Variants in RPTOR observed in about 807,000 individuals in gnomAD.
The protein encoded by RPTOR is regulatory associated protein of MTOR complex 1.
A neutral mutation model predicts 169.9 loss-of-function variants in RPTOR; 21 were observed. The observed-to-expected ratio is 0.12, with a 90% CI of 0.09 to 0.18. The LOEUF is 0.18. RPTOR is among the 10% of genes least tolerant of loss of function. RPTOR has a pLI of 1.00. For missense variants in RPTOR, 1,133 were observed against 1,855.9 expected (o/e 0.61, Z 7.16); for synonymous variants, 732 against 753.2 (o/e 0.97, Z 0.46).
intron 10 of RPTOR, among the ~76,000 whole-genome samples, chr17:80,839,986 C>T (rs936814195): frequency 1.3e-4 from 20 of 152,286 alleles, no homozygotes; most frequent in African/African-American, 4.6e-4. Flanking sequence ...GGATAACTGA[C>T]GTGGACCACA....
Position 80,646,278 on chromosome 17 carries a change from G to A in RPTOR, c.348+2468G>A, listed in dbSNP as rs1414159324. 6.6e-6 allele frequency among the ~76,000 whole-genome samples: 1 copy of A among 152,152 alleles called. No individual in the cohort carries two copies. The highest frequency in any genetic ancestry group is 2.4e-5 in the African/African-American group (1 of 41,426). ...ATTTCCTGCTACTATCCATGAGCGG[G>A]CCTCATCTATTTTAGAAATTAGCCT... On this transcript the variant is annotated intron_variant, in intron 3 of 33. Transcript: ENST00000306801. The surrounding 1 kb of genome is among the most constrained non-coding windows in gnomAD (Gnocchi z 5.0).
At chr17:80,616,794 C>G (rs963149273) in intron 1 of RPTOR, among the ~76,000 whole-genome samples, 1 of 152,192 alleles carries the variant, frequency 6.6e-6, no homozygotes, top group Non-Finnish European at 1.5e-5. Flanking sequence ...CTTTGCTATA[C>G]TTACTTTACG....
At chr17:80,818,485 G>A (rs1054281261) in intron 7 of RPTOR, among the ~76,000 whole-genome samples, 1 of 152,116 alleles carries the variant, frequency 6.6e-6, no homozygotes, top group Non-Finnish European at 1.5e-5. Context: ...GCATTGGTTA[G>A]GATCAGGTAC....
rs138868049 is a variant in RPTOR at position 80,858,188 on chromosome 17, A to T, written c.1509+288A>T. The T allele has an allele frequency of 1.1e-3, 489 of 426,948 alleles. 2 individuals carry two copies. Among genetic ancestry groups the T allele is most frequent in the Middle Eastern group, 3.8e-3 (6 of 1,586 alleles). 26.4% of individuals were successfully genotyped at this position (426,948 alleles called of 1,614,324 possible). On this transcript the variant is annotated intron_variant, in intron 13 of 33. Transcript: ENST00000306801. Reference sequence around the variant, plus strand: ...GGCCTTCCCCTGGTGCCCTGCACTCAGTCCCCCTGCCTGTGTCTGACCCCC... The same window carrying T: ...GGCCTTCCCCTGGTGCCCTGCACTCTGTCCCCCTGCCTGTGTCTGACCCCC...
intron 1 of RPTOR, among the ~76,000 whole-genome samples, chr17:80,580,073 A>G (rs938334786): frequency 6.6e-6 from 1 of 152,212 alleles, no homozygotes; most frequent in African/African-American, 2.4e-5. Flanking sequence ...ACGGTCAGGC[A>G]TGTTTCCTGA....
chr17:80,704,612 T>G (rs2066128644), intron 3 of RPTOR, among the ~76,000 whole-genome samples: 1 of 152,234 alleles, frequency 6.6e-6, no homozygotes, highest in Non-Finnish European at 1.5e-5. Flanking sequence ...TCAGGCAGGA[T>G]TCTATCAGTT....
chr17:80,775,332 A>G (rs1249396926), intron 6 of RPTOR, among the ~76,000 whole-genome samples: 3 of 152,052 alleles, frequency 2.0e-5, no homozygotes, highest in Non-Finnish European at 4.4e-5. Context: ...GATAGTCTCA[A>G]ACTCCTGGCC....
At chr17:80,693,401 G>C (rs1050966017) in intron 3 of RPTOR, among the ~76,000 whole-genome samples, 4 of 152,232 alleles carry the variant, frequency 2.6e-5, no homozygotes, top group Non-Finnish European at 4.4e-5. Context: ...TTCAGAAGTG[G>C]ATTTGGCCCC....
In RPTOR at chr17:80,964,789, T is replaced by C. The variant is rs1169237236; in HGVS notation, c.*459T>C. On this transcript the variant is annotated 3_prime_UTR_variant, in exon 34 of 34. Coordinates refer to ENST00000306801, the MANE Select transcript of RPTOR (RefSeq NM_020761.3). The stretch of plus-strand genomic sequence containing the variant: ...CAGGCCAAGAGCGAGCGAGAGGCGC[T>C]GCCCCAGCCAGGCCCACCACCTCTC... The C allele has an allele frequency of 8.3e-6, 2 of 240,906 alleles. No homozygotes were observed. The highest frequency in any genetic ancestry group is 1.6e-5 in the Non-Finnish European group (2 of 122,688). The allele number at this position is 240,906 out of a possible 1,614,324, so 14.9% of individuals were successfully genotyped here. A position where few individuals can be genotyped will look rare whatever the true frequency, so the allele number is the denominator to read the frequency against.
chr17:80,728,060 T>C (rs1333221683), intron 4 of RPTOR, among the ~76,000 whole-genome samples: 5 of 152,194 alleles, frequency 3.3e-5, no homozygotes, highest in Admixed American at 2.0e-4. Flanking sequence ...GATGGATCGA[T>C]AGGTAGATAG....
chr17:80,816,061 C>T (rs1232618795), intron 7 of RPTOR, among the ~76,000 whole-genome samples: 1 of 152,266 alleles, frequency 6.6e-6, no homozygotes, highest in Non-Finnish European at 1.5e-5. Context: ...GGCCCTCACT[C>T]CTCCAGCCAG....
At chr17:80,744,992 C>G (rs1333327630) in intron 5 of RPTOR, among the ~76,000 whole-genome samples, 1 of 152,154 alleles carries the variant, frequency 6.6e-6, no homozygotes, top group Non-Finnish European at 1.5e-5. Flanking sequence ...CTAGCACAGC[C>G]TTGGTTACTA....
chr17:80,963,476 G>A (rs1400970275), intron 33 of RPTOR, among the ~76,000 whole-genome samples: 2 of 43,164 alleles, frequency 4.6e-5, no homozygotes, highest in East Asian at 5.4e-4. Context: ...TCCCCTGTGC[G>A]GCCCTCACCC....
intron 1 of RPTOR, among the ~76,000 whole-genome samples, chr17:80,623,550 T>C (rs1284352830): frequency 1.3e-5 from 2 of 152,190 alleles, no homozygotes; most frequent in African/African-American, 4.8e-5. Flanking sequence ...TTTTTATTTT[T>C]TTTGAGATGG....
chr17:80,810,010 T>C (rs2067257435), intron 7 of RPTOR, among the ~76,000 whole-genome samples: 3 of 151,918 alleles, frequency 2.0e-5, no homozygotes, highest in South Asian at 4.2e-4. Flanking sequence ...ATCGTGACAC[T>C]GCACTTCAAC....
intron 1 of RPTOR, among the ~76,000 whole-genome samples, chr17:80,570,649 T>G (rs1289254693): frequency 6.6e-6 from 1 of 151,946 alleles, no homozygotes; most frequent in Non-Finnish European, 1.5e-5. Context: ...TTAGTAGAGA[T>G]GGGGTTTTAC....
rs539306331 is a variant in RPTOR, at chr17:80,602,122, C to T, written c.163-23569C>T. 8.3e-3 allele frequency among the ~76,000 whole-genome samples: 533 copies of T among 64,162 alleles called. 193 individuals are homozygous for T. Among genetic ancestry groups the T allele is most frequent in the African/African-American group, 0.037 (511 of 13,792 alleles). 42.1% of individuals were successfully genotyped at this position (64,162 alleles called of 152,430 possible). ...GGGGTGGTGGCCGGACAGAGGGGCT[C>T]CTCACTTCCCAGTAGGGGCGGCCGG... is the stretch of plus-strand genomic sequence containing the variant. On this transcript the variant is annotated intron_variant, in intron 1 of 33. Coordinates refer to ENST00000306801, the MANE Select transcript of RPTOR (RefSeq NM_020761.3).
At chr17:80,629,133 G>C (rs980694043) in intron 2 of RPTOR, among the ~76,000 whole-genome samples, 4 of 150,608 alleles carry the variant, frequency 2.7e-5, no homozygotes, top group African/African-American at 9.8e-5. Context: ...GTATTGTGCT[G>C]TTGGACATTG....
chr17:80,736,274 C>T (rs548051001), intron 5 of RPTOR, among the ~76,000 whole-genome samples: 1 of 152,270 alleles, frequency 6.6e-6, no homozygotes, highest in East Asian at 1.9e-4. Flanking sequence ...CCGAGTAACT[C>T]GTGTTTGTGT....
Sources: gnomAD v4.1 joint callset for allele counts (sites outside exome capture counted in the v4.1 genomes callset) on GRCh38, gnomAD v4.1.1 for gene constraint, Gnocchi (gnomAD v3.1) non-coding constraint, MANE v1.5 for transcripts, NCBI Gene and HGNC (gene_info 2026-07-23, HGNC 2026-07-21) for gene names.